Variants in DYM observed in about 807,000 individuals in gnomAD.
DYM encodes dyggve-Melchior-Clausen syndrome protein.
A neutral mutation model predicts 93.1 loss-of-function variants in DYM; 78 were observed. The ratio of observed to expected loss-of-function variants is 0.84; its 90% CI spans 0.70 to 1.01. The LOEUF (loss-of-function observed/expected upper bound fraction) is 1.01. DYM is among the 50% of genes least tolerant of loss of function. The probability of loss-of-function intolerance (pLI) is 0.00; values close to 1 mark genes in which losing one functional copy is unlikely to be tolerated. For synonymous variants in DYM, 321 were observed against 319.7 expected (o/e 1.00, Z -0.04); for missense variants, 789 against 845.0 (o/e 0.93, Z 0.82).
intron 15 of DYM, among the ~76,000 whole-genome samples, chr18:49,142,086 C>T (rs2084571546): frequency 6.6e-6 from 1 of 151,004 alleles, no homozygotes; most frequent in Non-Finnish European, 1.5e-5. Context: ...TGGTCTCGAT[C>T]TCCTGACCTT....
chr18:49,297,207 G>A (rs2060618590), intron 8 of DYM, among the ~76,000 whole-genome samples: 1 of 152,204 alleles, frequency 6.6e-6, no homozygotes, highest in Non-Finnish European at 1.5e-5. Flanking sequence ...GTGGTAGGAT[G>A]AAGTATAAAT....
At chr18:49,126,077 T>C (rs992325208) in intron 15 of DYM, 3 of 152,256 alleles carry the variant, frequency 2.0e-5, no homozygotes, top group Admixed American at 6.5e-5. Context: ...TAAGTATTTA[T>C]ACATTTGTAA....
At chr18:49,283,285 C>T (rs502089) in intron 9 of DYM, among the ~76,000 whole-genome samples, 152,327 of 152,328 alleles carry the variant, frequency 1, 76,163 homozygotes, top group Non-Finnish European at 1. Flanking sequence ...GGGCCATCTG[C>T]GTATATTCAA....
At chr18:49,420,348 T>C (rs1235783284) in intron 2 of DYM, among the ~76,000 whole-genome samples, 1 of 151,878 alleles carries the variant, frequency 6.6e-6, no homozygotes, top group Non-Finnish European at 1.5e-5. Flanking sequence ...TTTGTATTTT[T>C]AGTAGAGATA....
intron 8 of DYM, among the ~76,000 whole-genome samples, chr18:49,318,367 C>T (rs904673908): frequency 6.6e-6 from 1 of 152,208 alleles, no homozygotes; most frequent in African/African-American, 2.4e-5. Context: ...CGCCTGTAAT[C>T]CCAGCACTTT....
chr18:49,205,991 A>AGATTTTTTTTT (rs2092458565), intron 14 of DYM: 1 of 77,640 alleles, frequency 1.3e-5, no homozygotes, highest in African/African-American at 3.9e-5. Flanking sequence ...ACTAAGGTAG[A>AGATTTTTTTTT]GTTTTTTTTT....
chr18:49,408,830 G>C (rs1235925282), intron 2 of DYM, among the ~76,000 whole-genome samples: 1 of 152,142 alleles, frequency 6.6e-6, no homozygotes, highest in Admixed American at 6.5e-5. Context: ...TAAATAACAA[G>C]AGGGACGGGG....
intron 17 of DYM, among the ~76,000 whole-genome samples, chr18:49,078,936 G>C (rs1353240397): frequency 1.3e-5 from 2 of 152,170 alleles, no homozygotes; most frequent in Non-Finnish European, 2.9e-5. Context: ...GAAGTGCAAG[G>C]TTAATTGAGT....
intron 2 of DYM, among the ~76,000 whole-genome samples, chr18:49,408,063 C>A (rs373494187): frequency 7.0e-3 from 883 of 125,334 alleles, no homozygotes; most frequent in South Asian, 9.0e-3. Flanking sequence ...GACCTCATCT[C>A]AAAAAAAAAA....
intron 2 of DYM, chr18:49,418,182 T>C (rs946053601): frequency 2.0e-5 from 3 of 151,938 alleles, no homozygotes; most frequent in African/African-American, 7.3e-5. Flanking sequence ...AGATAAGTCA[T>C]CTGGTCCAGC....
chr18:49,202,605 C>A (rs1284765478), intron 14 of DYM, among the ~76,000 whole-genome samples: 1 of 124,262 alleles, frequency 8.0e-6, no homozygotes, highest in Non-Finnish European at 1.7e-5. Flanking sequence ...TCTGCCCGGC[C>A]GCCCATTGTC....
intron 17 of DYM, among the ~76,000 whole-genome samples, chr18:49,077,247 G>A (rs181294164): frequency 2.9e-3 from 436 of 152,290 alleles, no homozygotes; most frequent in African/African-American, 1.0e-2. Context: ...CCCTTCCTGT[G>A]CCTTTGCACA....
At chr18:49,414,787 T>C (rs1456502509) in intron 2 of DYM, among the ~76,000 whole-genome samples, 1 of 152,184 alleles carries the variant, frequency 6.6e-6, no homozygotes, top group Non-Finnish European at 1.5e-5. Context: ...TCCGCTTCGC[T>C]TTTCTTCCTT....
chr18:49,217,799 C>A (rs941501264), intron 13 of DYM, among the ~76,000 whole-genome samples: 2 of 152,210 alleles, frequency 1.3e-5, no homozygotes, highest in Non-Finnish European at 2.9e-5. Flanking sequence ...ACTGCAAAAA[C>A]ATGCCAAATT....
intron 8 of DYM, among the ~76,000 whole-genome samples, chr18:49,329,340 C>T (rs1045259403): frequency 3.3e-5 from 5 of 151,554 alleles, no homozygotes; most frequent in South Asian, 2.1e-4. Flanking sequence ...ATGTAAATGA[C>T]GAGTTAACAG....
At chr18:49,074,852 T>A (rs1274542431) in intron 17 of DYM, among the ~76,000 whole-genome samples, 2 of 152,230 alleles carry the variant, frequency 1.3e-5, no homozygotes, top group Non-Finnish European at 2.9e-5. Flanking sequence ...TTCTTTTGAA[T>A]GTGGTTGCTT....
At chr18:49,434,863 A>C (rs1432590043) in intron 1 of DYM, among the ~76,000 whole-genome samples, 2 of 152,040 alleles carry the variant, frequency 1.3e-5, no homozygotes, top group Non-Finnish European at 2.9e-5. Context: ...CAACAACAAA[A>C]AAAGCACAAC....
At chr18:49,247,323 A>T (rs752910004) in intron 13 of DYM, among the ~76,000 whole-genome samples, 10 of 152,164 alleles carry the variant, frequency 6.6e-5, no homozygotes, top group Non-Finnish European at 1.3e-4. Context: ...TATGATAAAA[A>T]ATATAAAAAA....
At chr18:49,143,700 T>C (rs1022616841) in intron 15 of DYM, among the ~76,000 whole-genome samples, 8 of 152,188 alleles carry the variant, frequency 5.3e-5, no homozygotes, top group South Asian at 2.1e-4. Context: ...CTGTTGAGTA[T>C]ACAGTTCAGT....
Sources: gnomAD v4.1 joint callset for allele counts (sites outside exome capture counted in the v4.1 genomes callset) on GRCh38, gnomAD v4.1.1 for gene constraint, MANE v1.5 for transcripts, NCBI Gene and HGNC (gene_info 2026-07-23, HGNC 2026-07-21) for gene names.